Variants in PLAT observed in about 807,000 individuals in gnomAD.
PLAT encodes the protein tissue-type plasminogen activator.
In PLAT, 48 loss-of-function variants were observed where a neutral mutation model predicts 74.9. The observed-to-expected ratio is 0.64, with a 90% confidence interval of 0.51 to 0.82. The LOEUF (loss-of-function observed/expected upper bound fraction) is 0.82. PLAT is among the 40% of genes least tolerant of loss of function. The pLI, the probability that PLAT is intolerant of heterozygous loss-of-function variation, is 0.00. For synonymous variants in PLAT, 307 were observed against 294.4 expected, an observed-to-expected ratio of 1.04 and a Z score of -0.44; for missense variants, 673 against 736.2, an observed-to-expected ratio of 0.91 and a Z score of 0.99.
Position 42,175,905 on chromosome 8 carries a change from T to C in PLAT, c.*88A>G, listed in dbSNP as rs1393670479. 2 of 1,339,774 alleles carry C rather than the reference T, an allele frequency of 1.5e-6. No individual in the cohort carries two copies. Among genetic ancestry groups the C allele is most frequent in the Admixed American group, 1.8e-5 (1 of 55,490 alleles). 83.0% of individuals were successfully genotyped at this position (1,339,774 alleles called of 1,614,324 possible). A position where few individuals can be genotyped will look rare whatever the true frequency, so the allele number is the denominator to read the frequency against. On this transcript the variant is annotated 3_prime_UTR_variant, in exon 14 of 14. Transcript: ENST00000220809. Reference sequence around the variant, plus strand: ...CTGCGGTGTGGTGGGTCTGGAGAAGTCTGTAGAGAAGCACTGCGCCTTTGC... The same window carrying C: ...CTGCGGTGTGGTGGGTCTGGAGAAGCCTGTAGAGAAGCACTGCGCCTTTGC...
chr8:42,184,830 A>G, intron 7 of PLAT: 3 of 349,916 alleles, frequency 8.6e-6, no homozygotes, highest in Non-Finnish European at 1.0e-5. Flanking sequence ...ATTCAGCCCC[A>G]TCCTCTCCTC....
At position 42,188,945 on chromosome 8, in the gene PLAT, A is replaced by G; in HGVS notation, c.242T>C (p.Val81Ala). Residue 81 changes from valine to alanine, a missense_variant, in exon 4 of 14, where the codon GTG becomes GCG. Physicochemically the swap from Val to Ala is moderately conservative, Grantham distance 64. Transcript: ENST00000220809. ...GCCTCAGTACATACTTTTGACAGGC[A>G]CTGAGTGGCACTGTGCCCTGCCACT... ...CNSGRAQCHS[V>A]PVKSCSEPRC... is the part of the protein sequence containing the mutation. 6.2e-7 allele frequency: 1 copy of G among 1,613,520 alleles called. No individual in the cohort carries two copies. Among genetic ancestry groups the G allele is most frequent in the Non-Finnish European group, 8.5e-7 (1 of 1,179,588 alleles).
chr8:42,200,336 C>G (rs1806079364), intron 1 of PLAT, among the ~76,000 whole-genome samples: 1 of 151,696 alleles, frequency 6.6e-6, no homozygotes. Context: ...CCCAGGAGTT[C>G]AAGATCACCC....
chr8:42,188,068 C>T, intron 4 of PLAT, 52 bp from the exon 5 acceptor site: 1 of 1,119,408 alleles, frequency 8.9e-7, no homozygotes, highest in Non-Finnish European at 1.3e-6. Context: ...TCTGTGTGCT[C>T]AGGCCATGGT....
chr8:42,206,108 C>A (rs376948341), intron 1 of PLAT, among the ~76,000 whole-genome samples: 1 of 152,148 alleles, frequency 6.6e-6, no homozygotes, highest in Non-Finnish European at 1.5e-5. Context: ...GAGAATCCGA[C>A]GCGAGTCATT....
At chr8:42,187,184 T>C in intron 6 of PLAT, 1 of 475,534 alleles carries the variant, frequency 2.1e-6, no homozygotes, top group Non-Finnish European at 3.8e-6. Flanking sequence ...CTATCATGTA[T>C]GTATCATCTA....
At chr8:42,182,978 G>A (rs1587931116) in intron 7 of PLAT, 88 bp from the exon 8 acceptor site, 1 of 962,666 alleles carries the variant, frequency 1.0e-6, no homozygotes, top group East Asian at 2.4e-5. Context: ...GCTGCCGGTC[G>A]AGGAAGCTGG....
intron 3 of PLAT, among the ~76,000 whole-genome samples, chr8:42,191,093 C>T (rs1420024347): frequency 1.3e-5 from 2 of 151,176 alleles, no homozygotes; most frequent in Non-Finnish European, 1.5e-5. Context: ...CAGTGGCCGC[C>T]CCCCCCAGCC....
In PLAT at chr8:42,187,976, C is replaced by T; in HGVS notation, c.294G>A (p.Gln98=). The part of the protein sequence containing the change: ...EPRCFNGGTC[Q]QALYFSDFVC... Reference sequence around the variant, plus strand: ...CGAAATCTGAGAAGTACAGGGCCTGCTGGCAGGTGCCCCCGTTGAAACACC... The same window carrying T: ...CGAAATCTGAGAAGTACAGGGCCTGTTGGCAGGTGCCCCCGTTGAAACACC... Residue 98 remains glutamine, a synonymous_variant, in exon 5 of 14, where the codon CAG becomes CAA. Coordinates refer to ENST00000220809, the MANE Select transcript of PLAT (RefSeq NM_000930.5). 1 of 1,613,718 alleles carries T rather than the reference C, an allele frequency of 6.2e-7. No homozygotes were observed. The highest frequency in any genetic ancestry group is 8.5e-7 in the Non-Finnish European group (1 of 1,179,660).
At chr8:42,193,930 G>A (rs1805786475) in intron 1 of PLAT, among the ~76,000 whole-genome samples, 2 of 151,554 alleles carry the variant, frequency 1.3e-5, no homozygotes, top group South Asian at 4.2e-4. Context: ...TAGCCAGGAT[G>A]GTCTCGATCT....
At chr8:42,200,123 A>G (rs986197803) in intron 1 of PLAT, among the ~76,000 whole-genome samples, 1 of 152,246 alleles carries the variant, frequency 6.6e-6, no homozygotes, top group African/African-American at 2.4e-5. Flanking sequence ...CACTCACTCA[A>G]CAGATATTTG....
chr8:42,182,710 G>C lies in PLAT; in HGVS notation c.803+9C>G. 1 of 1,595,818 alleles carries C rather than the reference G, an allele frequency of 6.3e-7. No homozygotes were observed. The highest frequency in any genetic ancestry group is 8.5e-7 in the Non-Finnish European group (1 of 1,170,656). On this transcript the variant is annotated intron_variant, in intron 8 of 13. Coordinates refer to ENST00000220809, the MANE Select transcript of PLAT (RefSeq NM_000930.5). ...CAAGACCTGAACCCCCCACCCCTGTGCTACCTACCGGCAGTAATTATGTTT... is the reference window on the plus strand; with the variant it reads ...CAAGACCTGAACCCCCCACCCCTGTCCTACCTACCGGCAGTAATTATGTTT...
chr8:42,189,347 A>G (rs989650791), intron 3 of PLAT, among the ~76,000 whole-genome samples: 2 of 151,624 alleles, frequency 1.3e-5, no homozygotes, highest in Non-Finnish European at 2.9e-5. Flanking sequence ...GTGAAACCCT[A>G]TCTCTACTAA....
intron 1 of PLAT, among the ~76,000 whole-genome samples, chr8:42,194,241 A>AGTGT (rs36208802): frequency 0.026 from 1,381 of 52,518 alleles, 14 homozygotes; most frequent in East Asian, 0.04. Context: ...AGAGAGAGAG[A>AGTGT]GTGTGTGTGT....
At chr8:42,185,713 T>C (rs1266638678) in intron 6 of PLAT, 1 of 152,276 alleles carries the variant, frequency 6.6e-6, no homozygotes, top group Non-Finnish European at 1.5e-5. Context: ...TAGTCTTATA[T>C]GTCAACTTGG....
chr8:42,191,419 G>A lies in PLAT; in HGVS notation c.73-5C>T, dbSNP rs1479584154. Reference sequence around the variant, plus strand: ...TCTGAATCGGGCATGGATTTCCTGCGAAGAAACCAGAGGTGGAGGAAGGAT... The same window carrying A: ...TCTGAATCGGGCATGGATTTCCTGCAAAGAAACCAGAGGTGGAGGAAGGAT... On this transcript the variant is annotated splice_region_variant and splice_polypyrimidine_tract_variant and intron_variant, in intron 2 of 13. Coordinates refer to ENST00000220809, the MANE Select transcript of PLAT (RefSeq NM_000930.5). The A allele has an allele frequency of 1.5e-5, 25 of 1,613,814 alleles. No individual in the cohort carries two copies. The highest frequency in any genetic ancestry group is 1.9e-5 in the Non-Finnish European group (22 of 1,179,834).
chr8:42,189,204 C>G (rs976408080), intron 3 of PLAT, 133 bp from the exon 4 acceptor site: 120 of 847,432 alleles, frequency 1.4e-4, no homozygotes, highest in Non-Finnish European at 1.8e-4. Context: ...ATTGAAGAGA[C>G]ACAACTGGAA....
Position 42,187,506 on chromosome 8 carries a change from C to T in PLAT, c.431G>A (p.Ser144Asn), listed in dbSNP as rs1475241760. ...GTTCCAGTTGGTGCACTCGGCGCCA[C>T]TCTCCGCTGTGCTCCACGTGCCCCT... ...SYRGTWSTAE[S>N]GAECTNWNSS... The change falls in exon 6 of 14, where the codon AGT (serine) becomes AAT (asparagine). Residue 144 changes from serine to asparagine, a missense_variant. By Grantham distance (46) the Ser-to-Asn change is conservative. Transcript: ENST00000220809. The T allele has an allele frequency of 6.2e-7, 1 of 1,611,844 alleles. No individual in the cohort carries two copies. The highest frequency in any genetic ancestry group is 8.5e-7 in the Non-Finnish European group (1 of 1,179,834).
intron 1 of PLAT, among the ~76,000 whole-genome samples, chr8:42,197,308 C>A (rs983275376): frequency 6.6e-6 from 1 of 152,206 alleles, no homozygotes; most frequent in African/African-American, 2.4e-5. Context: ...CAGCTCTGAC[C>A]TTCCTGCCTG....
Sources: allele counts gnomAD v4.1 joint callset (sites outside exome capture counted in the v4.1 genomes callset), GRCh38; gene constraint gnomAD v4.1.1; transcripts MANE v1.5; gene names NCBI Gene and HGNC (gene_info 2026-07-23, HGNC 2026-07-21).